Variants in ST6GALNAC3 observed in about 807,000 individuals in gnomAD.
The protein encoded by ST6GALNAC3 is ST6 N-acetylgalactosaminide alpha-2,6-sialyltransferase 3, also known as alpha-N-acetylgalactosaminide alpha-2,6-sialyltransferase 3.
A neutral mutation model predicts 32.7 loss-of-function variants in ST6GALNAC3; 25 were observed. The observed-to-expected ratio is 0.76, with a 90% confidence interval of 0.56 to 1.07. The LOEUF (loss-of-function observed/expected upper bound fraction) is 1.07, where lower values mean the gene tolerates loss of function less well. Ranked by LOEUF, ST6GALNAC3 falls within the 50% of genes least tolerant of loss-of-function variation. ST6GALNAC3 has a pLI of 0.00. For synonymous variants in ST6GALNAC3, 129 were observed against 133.1 expected, an observed-to-expected ratio of 0.97 and a Z score of 0.21; for missense variants, 355 against 382.4, an observed-to-expected ratio of 0.93 and a Z score of 0.60.
chr1:76,178,965 G>A lies in ST6GALNAC3; in HGVS notation c.18+104081G>A, dbSNP rs574481855. On this transcript the variant is annotated intron_variant, in intron 1 of 4. Coordinates refer to ENST00000328299, the MANE Select transcript of ST6GALNAC3 (RefSeq NM_152996.4). The stretch of plus-strand genomic sequence containing the variant: ...CATCCCCATGTGTCAGCTCTTTGTG[G>A]GCTGGTTTGCCCCCGGAACTATTGC... 2.0e-5 allele frequency among the ~76,000 whole-genome samples: 3 copies of A among 152,006 alleles called. No individual in the cohort carries two copies. The East Asian group carries it at 5.8e-4, about 29-fold the overall frequency.
intron 3 of ST6GALNAC3, among the ~76,000 whole-genome samples, chr1:76,517,187 A>C (rs1052752538): frequency 2.0e-5 from 3 of 151,858 alleles, no homozygotes; most frequent in Admixed American, 2.0e-4. Context: ...GAATCAATAC[A>C]TTAAAATATG....
At chr1:76,382,404 G>A (rs1024998837) in intron 2 of ST6GALNAC3, among the ~76,000 whole-genome samples, 5 of 152,122 alleles carry the variant, frequency 3.3e-5, no homozygotes, top group Non-Finnish European at 7.4e-5. Context: ...CTGTAGACAA[G>A]AATACAGGGG....
At chr1:76,341,150 G>A (rs899289361) in intron 2 of ST6GALNAC3, among the ~76,000 whole-genome samples, 3 of 151,702 alleles carry the variant, frequency 2.0e-5, no homozygotes, top group Admixed American at 2.0e-4. Flanking sequence ...TGTTACCCAA[G>A]TAGTGAATAC....
chr1:76,456,752 A>C (rs1488570372), intron 3 of ST6GALNAC3, among the ~76,000 whole-genome samples: 1 of 152,148 alleles, frequency 6.6e-6, no homozygotes, highest in Non-Finnish European at 1.5e-5. Flanking sequence ...TATCATACTG[A>C]ATGGGCAAAA....
At chr1:76,270,510 A>C (rs1658782685) in intron 1 of ST6GALNAC3, among the ~76,000 whole-genome samples, 1 of 142,730 alleles carries the variant, frequency 7.0e-6, no homozygotes, top group Non-Finnish European at 1.5e-5. Context: ...TCTGTCTCAA[A>C]AAAAAAAAAA....
intron 1 of ST6GALNAC3, among the ~76,000 whole-genome samples, chr1:76,221,149 G>T (rs1037612949): frequency 3.3e-5 from 5 of 152,160 alleles, no homozygotes; most frequent in African/African-American, 4.8e-5. Context: ...GGGTGGAATG[G>T]ATGGATAAGT....
intron 1 of ST6GALNAC3, among the ~76,000 whole-genome samples, chr1:76,190,160 G>A (rs1280364449): frequency 6.6e-6 from 1 of 152,114 alleles, no homozygotes; most frequent in East Asian, 1.9e-4. Flanking sequence ...GTAATTTATG[G>A]TAATTTGTCC....
intron 3 of ST6GALNAC3, among the ~76,000 whole-genome samples, chr1:76,416,771 G>A (rs138455101): frequency 0.029 from 4,465 of 151,798 alleles, 123 homozygotes; most frequent in Non-Finnish European, 0.044. Flanking sequence ...GGGACTACAG[G>A]CACGCACCAC....
chr1:76,478,760 C>CTTTTTTTTTTTTTTTTT (rs397861238), intron 3 of ST6GALNAC3, among the ~76,000 whole-genome samples: 3 of 109,052 alleles, frequency 2.8e-5, no homozygotes, highest in African/African-American at 3.7e-5. Flanking sequence ...TTTATTAATT[C>CTTTTTTTTTTTTTTTTT]TTTTTTTTTT....
intron 3 of ST6GALNAC3, among the ~76,000 whole-genome samples, chr1:76,519,994 T>C (rs1189538565): frequency 1.3e-5 from 2 of 151,902 alleles, no homozygotes; most frequent in Non-Finnish European, 2.9e-5. Flanking sequence ...CACTGAAGTG[T>C]ATATATTTTT....
intron 3 of ST6GALNAC3, among the ~76,000 whole-genome samples, chr1:76,477,629 T>C (rs928076392): frequency 6.6e-6 from 1 of 152,140 alleles, no homozygotes; most frequent in Non-Finnish European, 1.5e-5. Flanking sequence ...AGCACATTTG[T>C]CCCTGTGCCC....
rs1405178632 is a variant in ST6GALNAC3 at position 76,218,374 on chromosome 1, C to A, written c.19-95431C>A. On this transcript the variant is annotated intron_variant, in intron 1 of 4. Coordinates refer to ENST00000328299, the MANE Select transcript of ST6GALNAC3 (RefSeq NM_152996.4). ...AGACCTTGGAGGCTAGAGTATTTGCCCTTCTGCTCTAATCAAGATCTCCTT... is the reference window on the plus strand; with the variant it reads ...AGACCTTGGAGGCTAGAGTATTTGCACTTCTGCTCTAATCAAGATCTCCTT... Among the ~76,000 whole-genome samples, 7 of 152,144 alleles carry A rather than the reference C, an allele frequency of 4.6e-5. No homozygotes were observed. The South Asian group carries it at 8.3e-4, about 18-fold the overall frequency.
chr1:76,551,445 T>C (rs1570236017), intron 3 of ST6GALNAC3, among the ~76,000 whole-genome samples: 2 of 152,264 alleles, frequency 1.3e-5, no homozygotes, highest in Admixed American at 1.3e-4. Flanking sequence ...TTTAGCTGCA[T>C]TGCAGTTTGT....
intron 1 of ST6GALNAC3, among the ~76,000 whole-genome samples, chr1:76,247,361 C>T (rs1470621987): frequency 2.6e-5 from 4 of 152,186 alleles, no homozygotes; most frequent in Non-Finnish European, 5.9e-5. Flanking sequence ...TCAGGATCAG[C>T]TGTTCTCTTT....
intron 3 of ST6GALNAC3, among the ~76,000 whole-genome samples, chr1:76,449,846 G>T (rs1255968363): frequency 6.6e-6 from 1 of 151,970 alleles, no homozygotes; most frequent in Non-Finnish European, 1.5e-5. Context: ...GGTTTTGGGG[G>T]AACAGGTGGT....
intron 1 of ST6GALNAC3, among the ~76,000 whole-genome samples, chr1:76,187,660 C>A (rs1364894025): frequency 2.0e-5 from 3 of 152,102 alleles, no homozygotes; most frequent in Non-Finnish European, 2.9e-5. Context: ...TGTCAACATG[C>A]AGACATCTGT....
At chr1:76,396,532 T>A (rs1460375598) in intron 2 of ST6GALNAC3, among the ~76,000 whole-genome samples, 1 of 152,162 alleles carries the variant, frequency 6.6e-6, no homozygotes, top group African/African-American at 2.4e-5. Context: ...ACAGCCCTTT[T>A]TTTCCCCTAT....
At chr1:76,500,478 T>A (rs192241473) in intron 3 of ST6GALNAC3, among the ~76,000 whole-genome samples, 14 of 152,326 alleles carry the variant, frequency 9.2e-5, no homozygotes, top group Admixed American at 8.5e-4. Context: ...ACAACACAAC[T>A]ACTTATTCTG....
At position 76,202,941 on chromosome 1, in the gene ST6GALNAC3, A is replaced by G. The variant is rs141039427; in HGVS notation, c.19-110864A>G. Among the ~76,000 whole-genome samples, 20 of 152,356 alleles carry G rather than the reference A, an allele frequency of 1.3e-4. 1 individual carries two copies. Among genetic ancestry groups the G allele is most frequent in the African/African-American group, 4.3e-4 (18 of 41,582 alleles). On this transcript the variant is annotated intron_variant, in intron 1 of 4. Transcript: ENST00000328299. Reference sequence around the variant, plus strand: ...TTCCTGATATAGTCTGCAGCCTTATAGAGAGCCAAGTATGTCACCTTTAAC... The same window carrying G: ...TTCCTGATATAGTCTGCAGCCTTATGGAGAGCCAAGTATGTCACCTTTAAC...
Sources: allele counts gnomAD v4.1 joint callset (sites outside exome capture counted in the v4.1 genomes callset), GRCh38; gene constraint gnomAD v4.1.1; transcripts MANE v1.5; gene names NCBI Gene and HGNC (gene_info 2026-07-23, HGNC 2026-07-21).